DNAJA1: variants seen among roughly 807,000 people sequenced by gnomAD.
DNAJA1 encodes dnaJ homolog subfamily A member 1.
A neutral mutation model predicts 47.6 loss-of-function variants in DNAJA1; 26 were observed. That is an observed-to-expected ratio of 0.55 (90% CI 0.40 to 0.76). DNAJA1 has a LOEUF of 0.76. Among genes scored for constraint, DNAJA1 ranks in the 30% least tolerant of loss-of-function variants. DNAJA1 has a pLI of 0.00. For synonymous variants in DNAJA1, 165 were observed against 158.4 expected, an observed-to-expected ratio of 1.04 and a Z score of -0.31; for missense variants, 315 against 485.0, an observed-to-expected ratio of 0.65 and a Z score of 3.29.
chr9:33,026,624 G>A lies in DNAJA1; in HGVS notation c.132+8G>A. The A allele has an allele frequency of 6.3e-7, 1 of 1,598,192 alleles. No homozygotes were observed. Among genetic ancestry groups the A allele is most frequent in the Non-Finnish European group, 8.5e-7 (1 of 1,176,134 alleles). Reference sequence around the variant, plus strand: ...CCAAATGAAGGAGAGAAGGTGAATAGTATCTACTCTTAAACGTATCTGAAT... The same window carrying A: ...CCAAATGAAGGAGAGAAGGTGAATAATATCTACTCTTAAACGTATCTGAAT... On this transcript the variant is annotated splice_region_variant and intron_variant, in intron 2 of 8. Transcript: ENST00000330899.
chr9:33,033,689 C>CA (rs1838995030), intron 5 of DNAJA1, among the ~76,000 whole-genome samples: 1 of 152,102 alleles, frequency 6.6e-6, no homozygotes, highest in Admixed American at 6.5e-5. Context: ...GATCCTATCT[C>CA]AAGAGAAGAT....
At chr9:33,031,334 G>A (rs1390385482) in intron 5 of DNAJA1, among the ~76,000 whole-genome samples, 1 of 152,130 alleles carries the variant, frequency 6.6e-6, no homozygotes, top group African/African-American at 2.4e-5. Context: ...TTGACCTCAG[G>A]TGATGACCTG....
In DNAJA1 at chr9:33,026,556, G is replaced by A. The variant is rs1346641845; in HGVS notation, c.72G>A (p.Lys24=). 6.2e-7 allele frequency: 1 copy of A among 1,611,592 alleles called. No individual in the cohort carries two copies. Among genetic ancestry groups the A allele is most frequent in the Middle Eastern group, 1.7e-4 (1 of 6,054 alleles). Residue 24 remains lysine, a synonymous_variant, in exon 2 of 9, where the codon AAG becomes AAA. Coordinates refer to ENST00000330899, the MANE Select transcript of DNAJA1 (RefSeq NM_001539.4). The part of the protein sequence containing the change: ...KPNATQEELK[K]AYRKLALKYH... ...ATGCTACTCAGGAAGAATTGAAAAA[G>A]GCTTATAGGAAACTGGCTTTGAAGT...
Position 33,034,239 on chromosome 9 carries a change from A to C in DNAJA1, c.667A>C (p.Thr223Pro). Reference sequence around the variant, plus strand: ...AGGCATGAAAGATGGCCAGAAGATAACATTCCATGGTGAAGGAGACCAAGA... The same window carrying C: ...AGGCATGAAAGATGGCCAGAAGATACCATTCCATGGTGAAGGAGACCAAGA... The part of the protein sequence containing the change: ...DKGMKDGQKI[T>P]FHGEGDQEPG... The change falls in exon 6 of 9, where the codon ACA (threonine) becomes CCA (proline). Residue 223 changes from threonine to proline, a missense_variant. Physicochemically the swap from Thr to Pro is conservative, Grantham distance 38. Around this residue, in one of 4 missense-constraint regions of DNAJA1, gnomAD observed 45 missense variants for 93.3 expected, o/e 0.48. Transcript: ENST00000330899. 6.3e-7 allele frequency: 1 copy of C among 1,597,158 alleles called. No homozygotes were observed. Among genetic ancestry groups the C allele is most frequent in the Non-Finnish European group, 8.5e-7 (1 of 1,175,962 alleles).
At chr9:33,028,775 C>G (rs1838914238) in intron 3 of DNAJA1, among the ~76,000 whole-genome samples, 1 of 152,242 alleles carries the variant, frequency 6.6e-6, no homozygotes, top group East Asian at 1.9e-4. Flanking sequence ...TTTTTCCTTC[C>G]TTATACTCAA....
Position 33,036,597 on chromosome 9 carries a change from G to A in DNAJA1, c.782G>A (p.Cys261Tyr). ...AGACGAGGAGAAGACCTTTTCATGT[G>A]TATGGACATACAGCTCGTTGAAGCA... ...FTRRGEDLFMCMDIQLVEALC... is the reference protein window; with the variant it reads ...FTRRGEDLFMYMDIQLVEALC... Residue 261 changes from cysteine to tyrosine, a missense_variant, in exon 7 of 9, where the codon TGT becomes TAT. Physicochemically the swap from Cys to Tyr is radical, Grantham distance 194 (BLOSUM62 -2). Around this residue, in one of 4 missense-constraint regions of DNAJA1, gnomAD observed 162 missense variants for 185.4 expected, o/e 0.87. Transcript: ENST00000330899. The A allele has an allele frequency of 6.2e-7, 1 of 1,613,006 alleles. No individual in the cohort carries two copies. Among genetic ancestry groups the A allele is most frequent in the Non-Finnish European group, 8.5e-7 (1 of 1,179,470 alleles).
At position 33,027,665 on chromosome 9, in the gene DNAJA1, A is replaced by G. The variant is rs888172857; in HGVS notation, c.310+675A>G. On this transcript the variant is annotated intron_variant, in intron 3 of 8. Coordinates refer to ENST00000330899, the MANE Select transcript of DNAJA1 (RefSeq NM_001539.4). ...GTCAGGGTTCGAGACCAGCCTGGCC[A>G]AGATGGTGAAACCCCATCTCTACAA... 5.9e-5 allele frequency among the ~76,000 whole-genome samples: 9 copies of G among 152,090 alleles called. No individual in the cohort carries two copies. The East Asian group carries it at 1.8e-3, about 30-fold the overall frequency.
intron 5 of DNAJA1, among the ~76,000 whole-genome samples, chr9:33,033,416 G>GA (rs920383745): frequency 1.3e-5 from 2 of 151,928 alleles, no homozygotes; most frequent in African/African-American, 4.8e-5. Context: ...TTAAAATACG[G>GA]ATTTTCAGGC....
intron 3 of DNAJA1, among the ~76,000 whole-genome samples, chr9:33,028,739 C>G (rs759507431): frequency 1.3e-5 from 2 of 152,148 alleles, no homozygotes; most frequent in African/African-American, 4.8e-5. Context: ...TGGGGAAATG[C>G]GCTTCATCAA....
intron 1 of DNAJA1, 79 bp from the exon 2 acceptor site, chr9:33,026,396 A>G (rs1838850823): frequency 6.7e-7 from 1 of 1,487,706 alleles, no homozygotes; most frequent in East Asian, 2.5e-5. Context: ...TTTTGCAAAG[A>G]GATTGCTCGG....
intron 3 of DNAJA1, 146 bp downstream of exon 3, chr9:33,027,136 C>T (rs1338757148): frequency 1.5e-5 from 13 of 852,656 alleles, no homozygotes; most frequent in Admixed American, 6.9e-5. Flanking sequence ...TTTATGGTGT[C>T]GTGTTTTTTT....
chr9:33,030,217 T>C (rs1023640049), intron 4 of DNAJA1, among the ~76,000 whole-genome samples: 4 of 150,216 alleles, frequency 2.7e-5, no homozygotes, highest in Non-Finnish European at 5.9e-5. Flanking sequence ...GGGATCAAGC[T>C]AGTTTGGTAT....
At chr9:33,033,648 C>G (rs950499797) in intron 5 of DNAJA1, among the ~76,000 whole-genome samples, 5 of 152,118 alleles carry the variant, frequency 3.3e-5, no homozygotes, top group Admixed American at 3.3e-4. Flanking sequence ...CATGTTTGTG[C>G]CACTGCACTC....
chr9:33,036,498 C>CA (rs1450631086), intron 6 of DNAJA1, 76 bp from the exon 7 acceptor site: 8 of 955,842 alleles, frequency 8.4e-6, no homozygotes, highest in Admixed American at 2.7e-5. Context: ...TTTTATTAAA[C>CA]AAAAAAACAG....
rs1170834464 is a variant in DNAJA1, at chr9:33,038,953, TGAGTGAAG to T, written c.*53_*60del. 1 of 1,480,748 alleles carries T rather than the reference TGAGTGAAG, an allele frequency of 6.8e-7. No homozygotes were observed. The highest frequency in any genetic ancestry group is 9.3e-7 in the Non-Finnish European group (1 of 1,078,736). The allele number at this position is 1,480,748 out of a possible 1,614,324, so 91.7% of individuals were successfully genotyped here. A position where few individuals can be genotyped will look rare whatever the true frequency, so the allele number is the denominator to read the frequency against. ...CTGGCATTTAATGTGCAGTAGTGAA[TGAGTGAAG>T]GACTGTAATCATAATATGCTCACTA... On this transcript the variant is annotated 3_prime_UTR_variant, in exon 9 of 9. Coordinates refer to ENST00000330899, the MANE Select transcript of DNAJA1 (RefSeq NM_001539.4).
At chr9:33,032,043 A>G (rs187690759) in intron 5 of DNAJA1, among the ~76,000 whole-genome samples, 17 of 152,232 alleles carry the variant, frequency 1.1e-4, no homozygotes, top group African/African-American at 3.6e-4. Flanking sequence ...TTAAGTCAAC[A>G]TTATGGTAAT....
At chr9:33,037,233 A>G in intron 8 of DNAJA1, 118 bp downstream of exon 8, 1 of 715,398 alleles carries the variant, frequency 1.4e-6, no homozygotes. Context: ...GCATTTTGAG[A>G]GGCTGAGGCA....
intron 7 of DNAJA1, 82 bp downstream of exon 7, chr9:33,036,771 C>A: frequency 9.9e-7 from 1 of 1,011,528 alleles, no homozygotes; most frequent in African/African-American, 1.6e-5. Context: ...GTAGTATAGG[C>A]ACTGAGGGAA....
At chr9:33,037,266 G>GTT in intron 8 of DNAJA1, 151 bp downstream of exon 8, 1 of 458,242 alleles carries the variant, frequency 2.2e-6, no homozygotes. Context: ...GAGCCCTGGA[G>GTT]TTTTGAGAAC....
Sources: gnomAD v4.1 joint callset for allele counts (sites outside exome capture counted in the v4.1 genomes callset) on GRCh38, gnomAD v4.1.1 for gene constraint, gnomAD v4.1.1 regional missense constraint, MANE v1.5 for transcripts, NCBI Gene and HGNC (gene_info 2026-07-23, HGNC 2026-07-21) for gene names.